Variants in DST observed in about 807,000 individuals in gnomAD.
The protein encoded by DST is dystonin, also known as bullous pemphigoid antigen.
DST carries 253 observed loss-of-function variants against 875.2 expected under a neutral mutation model. The ratio of observed to expected loss-of-function variants is 0.29; its 90% CI spans 0.26 to 0.32. DST has a LOEUF of 0.32. DST is among the 10% of genes least tolerant of loss of function. DST has a pLI of 1.00. For synonymous variants in DST, 3,124 were observed against 3,197.1 expected (o/e 0.98, Z 0.77); for missense variants, 8,287 against 9,111.6 (o/e 0.91, Z 3.68).
intron 10 of DST, among the ~76,000 whole-genome samples, chr6:56,669,276 A>G (rs1422481327): frequency 6.9e-6 from 1 of 145,448 alleles, no homozygotes; most frequent in Non-Finnish European, 1.5e-5. Flanking sequence ...CTGACATAAT[A>G]TTTGTAAAAC....
intron 5 of DST, among the ~76,000 whole-genome samples, chr6:56,734,483 T>A (rs2099515826): frequency 6.6e-6 from 1 of 152,204 alleles, no homozygotes; most frequent in Admixed American, 6.5e-5. Flanking sequence ...AATAGAAACA[T>A]GACCTATTTC....
chr6:56,843,173 C>A, intron 4 of DST: 2 of 1,537,900 alleles, frequency 1.3e-6, no homozygotes, highest in Non-Finnish European at 1.8e-6. Context: ...CGATGACTGA[C>A]AAATTCCCCT....
intron 8 of DST, 118 bp from the exon 9 acceptor site, chr6:56,699,863 A>T (rs2099286460): frequency 7.5e-6 from 4 of 533,820 alleles, no homozygotes; most frequent in Non-Finnish European, 1.3e-5. Context: ...TAATTTAAAC[A>T]CCAGTAGTCA....
At chr6:56,557,978 A>G (rs1372193134) in intron 58 of DST, among the ~76,000 whole-genome samples, 2 of 152,176 alleles carry the variant, frequency 1.3e-5, no homozygotes, top group Non-Finnish European at 1.5e-5. Flanking sequence ...AGCTGCTGGA[A>G]AGTTCCCGTA....
At chr6:56,664,950 G>C (rs543465935) in intron 10 of DST, among the ~76,000 whole-genome samples, 1 of 152,240 alleles carries the variant, frequency 6.6e-6, no homozygotes, top group Non-Finnish European at 1.5e-5. Flanking sequence ...AAGACATAAT[G>C]TATTTATCAG....
intron 82 of DST, among the ~76,000 whole-genome samples, chr6:56,496,123 C>G (rs901154277): frequency 6.6e-6 from 1 of 152,082 alleles, no homozygotes; most frequent in African/African-American, 2.4e-5. Flanking sequence ...TGTAAATTCA[C>G]AAAAGTAAAA....
intron 4 of DST, among the ~76,000 whole-genome samples, chr6:56,810,050 G>C (rs2099758054): frequency 6.6e-6 from 1 of 152,182 alleles, no homozygotes. Flanking sequence ...TTATGGGCCA[G>C]GTAAAGTGGC....
Position 56,598,646 on chromosome 6 carries a change from T to C in DST, c.11758A>G (p.Asn3920Asp). The C allele has an allele frequency of 6.2e-7, 1 of 1,611,162 alleles. No individual in the cohort carries two copies. The highest frequency in any genetic ancestry group is 8.5e-7 in the Non-Finnish European group (1 of 1,178,522). The change falls in exon 46 of 104, where the codon AAC (asparagine) becomes GAC (aspartate). Residue 3920 changes from asparagine (N) to aspartate (D), a missense_variant. Coordinates refer to ENST00000680361, the MANE Select transcript of DST (RefSeq NM_001374736.1). ...ALAEVVKNTE[N>D]FLKENGEKLS... ...TTTTCACCATTCTCTTTTAAGAAGT[T>C]CTCTGTGTTTTTCACTACTTCAGCC...
At chr6:56,647,583 G>C (rs1174509552) in intron 13 of DST, among the ~76,000 whole-genome samples, 1 of 152,044 alleles carries the variant, frequency 6.6e-6, no homozygotes, top group African/African-American at 2.4e-5. Flanking sequence ...CGCATTATCA[G>C]CTTCTAGAAA....
At chr6:56,718,694 GATCT>G (rs376539913) in intron 5 of DST, among the ~76,000 whole-genome samples, 2 of 152,260 alleles carry the variant, frequency 1.3e-5, no homozygotes. Context: ...TATAAAATGT[GATCT>G]ATCTATAGAA....
At chr6:56,509,929 G>A in intron 73 of DST, 56 bp from the exon 74 acceptor site, 1 of 1,317,778 alleles carries the variant, frequency 7.6e-7, no homozygotes, top group Admixed American at 2.4e-5. Context: ...TACCAAGTGT[G>A]AAATTTAAAT....
At chr6:56,603,089 A>G (rs946170695) in intron 42 of DST, 58 bp from the exon 43 acceptor site, 57 of 1,543,154 alleles carry the variant, frequency 3.7e-5, no homozygotes, top group Non-Finnish European at 4.7e-5. Context: ...ATTCTTACAA[A>G]TAATGACTGT....
intron 13 of DST, 27 bp from the exon 14 acceptor site, chr6:56,646,209 G>T: frequency 7.8e-7 from 1 of 1,279,546 alleles, no homozygotes; most frequent in South Asian, 1.4e-5. Context: ...AAGAAATTAA[G>T]GACCAAACTT....
In DST at chr6:56,851,467, C is replaced by T. The variant is rs1457129664; in HGVS notation, c.555G>A (p.Glu185=). 6.2e-7 allele frequency: 1 copy of T among 1,613,938 alleles called. No individual in the cohort carries two copies. The highest frequency in any genetic ancestry group is 2.2e-5 in the East Asian group (1 of 44,902). ...DTLPWNLPKH[E]RSKRKIQGGS... is the part of the protein sequence containing the mutation. ...CCCCTTGAATCTTTCTTTTCGATCT[C>T]TCATGTTTAGGCAAATTCCAGGGTA... The change falls in exon 4 of 104, where the codon GAG becomes GAA. Residue 185 remains glutamate, a synonymous_variant. Transcript: ENST00000680361.
Position 56,562,157 on chromosome 6 carries a change from C to T in DST, c.14049G>A (p.Glu4683=). The change falls in exon 56 of 104, where the codon GAG becomes GAA. Residue 4683 remains glutamate (E), a synonymous_variant. Coordinates refer to ENST00000680361, the MANE Select transcript of DST (RefSeq NM_001374736.1). ...LNGEGTATNT[E]EFWANKGLTS... ...ACTCACCTTTATTTGCCCAAAATTC[C>T]TCAGTATTTGTGGCTGTTCCTTCAC... 1 of 1,552,130 alleles carries T rather than the reference C, an allele frequency of 6.4e-7. No individual in the cohort carries two copies. Among genetic ancestry groups the T allele is most frequent in the Non-Finnish European group, 8.7e-7 (1 of 1,147,494 alleles).
At chr6:56,648,150 T>C (rs2098954666) in intron 13 of DST, among the ~76,000 whole-genome samples, 1 of 152,136 alleles carries the variant, frequency 6.6e-6, no homozygotes, top group South Asian at 2.1e-4. Context: ...GCACAAAAGA[T>C]GCTTCCTGCA....
At position 56,593,941 on chromosome 6, in the gene DST, G is replaced by A. The variant is rs907469119; in HGVS notation, c.12448C>T (p.Leu4150=). Residue 4150 remains leucine, a synonymous_variant, in exon 48 of 104, where the codon CTA becomes TTA. Coordinates refer to ENST00000680361, the MANE Select transcript of DST (RefSeq NM_001374736.1). ...TCAAGTTCTTGTTCTGACTGCTGTAGCCAGTGCTCAAACTCGGTATAGTCA... is the reference window on the plus strand; with the variant it reads ...TCAAGTTCTTGTTCTGACTGCTGTAACCAGTGCTCAAACTCGGTATAGTCA... ...DADYTEFEHW[L]QQSEQELENL... 6.2e-7 allele frequency: 1 copy of A among 1,613,726 alleles called. No individual in the cohort carries two copies. The highest frequency in any genetic ancestry group is 1.3e-5 in the African/African-American group (1 of 74,898).
At chr6:56,931,500 C>A (rs1221149223) in intron 2 of DST, among the ~76,000 whole-genome samples, 2 of 152,140 alleles carry the variant, frequency 1.3e-5, no homozygotes, top group Non-Finnish European at 2.9e-5. Context: ...AGAGGGCCAC[C>A]GACCTCCAGA....
intron 9 of DST, among the ~76,000 whole-genome samples, chr6:56,691,271 T>C (rs573547330): frequency 2.0e-5 from 3 of 152,306 alleles, no homozygotes; most frequent in South Asian, 2.1e-4. Flanking sequence ...CAGAGCTACA[T>C]AGATAATGAC....
Sources: gnomAD v4.1 joint callset for allele counts (sites outside exome capture counted in the v4.1 genomes callset) on GRCh38, gnomAD v4.1.1 for gene constraint, MANE v1.5 for transcripts, NCBI Gene and HGNC (gene_info 2026-07-23, HGNC 2026-07-21) for gene names.